MRO: variants seen among roughly 807,000 people sequenced by gnomAD.
The protein encoded by MRO is protein maestro.
In MRO, 28 loss-of-function variants were observed where a neutral mutation model predicts 31.0. The observed-to-expected ratio is 0.90, with a 90% CI of 0.67 to 1.24. The LOEUF (loss-of-function observed/expected upper bound fraction) is 1.24, where lower values mean the gene tolerates loss of function less well. Ranked by LOEUF, MRO falls within the 50% of genes most tolerant of loss-of-function variation. The probability of loss-of-function intolerance (pLI) is 0.00; values close to 1 mark genes in which losing one functional copy is unlikely to be tolerated. For synonymous variants in MRO, 108 were observed against 108.4 expected (o/e 1.00, Z 0.02); for missense variants, 332 against 289.2 (o/e 1.15, Z -1.07).
intron 2 of MRO, chr18:50,815,311 TG>T: frequency 3.7e-6 from 1 of 269,258 alleles, no homozygotes; most frequent in South Asian, 4.9e-5. Context: ...ACTTTGGAGG[TG>T]GTGGAGATAA....
intron 3 of MRO, among the ~76,000 whole-genome samples, chr18:50,808,008 A>T (rs1424826176): frequency 1.3e-5 from 2 of 152,190 alleles, no homozygotes; most frequent in Non-Finnish European, 2.9e-5. Context: ...AATTGCTTGA[A>T]TCTGGGAGGC....
chr18:50,800,265 C>G, intron 6 of MRO, 122 bp from the exon 7 acceptor site: 1 of 643,460 alleles, frequency 1.6e-6, no homozygotes, highest in Non-Finnish European at 2.6e-6. Context: ...GTGAAAGTAA[C>G]TTCCAGGTAG....
At chr18:50,803,961 G>A (rs1024773697) in intron 5 of MRO, among the ~76,000 whole-genome samples, 4 of 152,202 alleles carry the variant, frequency 2.6e-5, no homozygotes, top group East Asian at 1.9e-4. Context: ...TCTCAGTTTC[G>A]GGCTGAACGA....
At chr18:50,818,198 C>T (rs865937458) in intron 2 of MRO, among the ~76,000 whole-genome samples, 8 of 152,190 alleles carry the variant, frequency 5.3e-5, no homozygotes, top group African/African-American at 1.2e-4. Context: ...AACTCCTTCT[C>T]CAAGCCCTCT....
rs1446787504 is a variant in MRO at position 50,806,767 on chromosome 18, A to C, written c.183T>G (p.Ser61Arg). 3 of 1,614,008 alleles carry C rather than the reference A, an allele frequency of 1.9e-6. No homozygotes were observed. In the Admixed American group the frequency reaches 5.0e-5, roughly 27 times the overall value. ...FILAERARDP[S>R]AKKRHMAMRN... ...TCATTGCCATGTGACGCTTTTTAGC[A>C]CTGGGGTCCCGAGCTCTTTCTGCCA... The change falls in exon 4 of 8, where the codon AGT becomes AGG. Residue 61 changes from serine (S) to arginine (R), a missense_variant. Transcript: ENST00000398439.
chr18:50,805,933 G>C (rs1251190291), intron 4 of MRO, among the ~76,000 whole-genome samples: 1 of 151,768 alleles, frequency 6.6e-6, no homozygotes, highest in Non-Finnish European at 1.5e-5. Context: ...CCAGCCTACG[G>C]ACATGACTTT....
chr18:50,820,158 A>G (rs1429841180), upstream of MRO: 5 of 606,602 alleles, frequency 8.2e-6, no homozygotes, highest in Admixed American at 2.9e-5. Context: ...CCTTCCTTAC[A>G]TAATCCTGTT....
In MRO at chr18:50,805,169, C is replaced by T. The variant is rs1249897689; in HGVS notation, c.414G>A (p.Arg138=). The T allele has an allele frequency of 9.9e-6, 16 of 1,612,186 alleles. No homozygotes were observed. Among genetic ancestry groups the T allele is most frequent in the African/African-American group, 8.0e-5 (6 of 74,860 alleles). The part of the protein sequence containing the change: ...SFFIDITLQT[R]TLLDDENDSL... ...ATTTACTTACGTCATCTAATAAAGTCCTGGTCTGAAGGGTGATATCTATGA... is the reference window on the plus strand; with the variant it reads ...ATTTACTTACGTCATCTAATAAAGTTCTGGTCTGAAGGGTGATATCTATGA... The change falls in exon 5 of 8, where the codon AGG becomes AGA. Residue 138 remains arginine (R), a synonymous_variant. Transcript: ENST00000398439.
chr18:50,821,179 G>A (rs1915287731), upstream of MRO, among the ~76,000 whole-genome samples: 1 of 152,186 alleles, frequency 6.6e-6, no homozygotes, highest in African/African-American at 2.4e-5. Flanking sequence ...ATAAAGCCTG[G>A]CCTTGTTTGA....
chr18:50,819,823 T>C, intron 1 of MRO, 74 bp downstream of exon 1: 7 of 1,538,510 alleles, frequency 4.5e-6, no homozygotes, highest in Non-Finnish European at 6.2e-6. Flanking sequence ...ATAGAGTATT[T>C]GGGCAGGGGA....
At chr18:50,819,786 TC>T in intron 1 of MRO, 84 bp from the exon 2 acceptor site, 1 of 1,544,958 alleles carries the variant, frequency 6.5e-7, no homozygotes. Context: ...AAAGTGAGAA[TC>T]AAATAAGAGG....
intron 6 of MRO, 26 bp from the exon 7 acceptor site, chr18:50,800,169 A>T: frequency 6.7e-7 from 1 of 1,491,210 alleles, no homozygotes; most frequent in Non-Finnish European, 9.3e-7. Context: ...TTACTATTTT[A>T]TTTATTAGAG....
At chr18:50,802,520 T>C (rs1913441945) in intron 5 of MRO, among the ~76,000 whole-genome samples, 1 of 152,016 alleles carries the variant, frequency 6.6e-6, no homozygotes, top group African/African-American at 2.4e-5. Context: ...TATATCAGTG[T>C]TTTGTAGTCT....
At chr18:50,819,348 A>G (rs1235940470) in intron 2 of MRO, 1 of 792,790 alleles carries the variant, frequency 1.3e-6, no homozygotes, top group African/African-American at 1.9e-5. Flanking sequence ...AGAATGATCT[A>G]TAACCCAACT....
Position 50,809,144 on chromosome 18 carries a change from C to CAAA in MRO, c.99+155_99+157dup, listed in dbSNP as rs61728184. Among the ~76,000 whole-genome samples, 17 of 99,092 alleles carry CAAA rather than the reference C, an allele frequency of 1.7e-4. 3 individuals carry two copies. The highest frequency in any genetic ancestry group is 6.4e-4 in the East Asian group (2 of 3,118). The allele number at this position is 99,092 out of a possible 152,430, so 65.0% of individuals were successfully genotyped here. ...TGGGCGACAGAGCGAGACTCCGTCT[C>CAAA]AAAAAAAAAAAAAAAAAAAAAAAAA... On this transcript the variant is annotated intron_variant, in intron 3 of 7. Transcript: ENST00000398439.
In MRO at chr18:50,795,187, T is replaced by C. The variant is rs1487218622; in HGVS notation, c.*4150A>G. On this transcript the variant is annotated 3_prime_UTR_variant, in exon 8 of 8. Coordinates refer to ENST00000398439, the MANE Select transcript of MRO (RefSeq NM_031939.6). The stretch of plus-strand genomic sequence containing the variant: ...TTATATTATCAACAGGTTATTGTCA[T>C]CAACAGATTAAAACAAAATGTCTCA... The C allele has an allele frequency of 6.6e-6, 1 of 152,216 alleles. No homozygotes were observed. Among genetic ancestry groups the C allele is most frequent in the African/African-American group, 2.4e-5 (1 of 41,458 alleles). The allele number at this position is 152,216 out of a possible 1,614,324, so 9.4% of individuals were successfully genotyped here.
chr18:50,799,958 G>A (rs1228710147), intron 7 of MRO, 78 bp downstream of exon 7: 1 of 983,058 alleles, frequency 1.0e-6, no homozygotes, highest in African/African-American at 1.6e-5. Flanking sequence ...ACTCTTTCTT[G>A]TGCTTGGCCA....
Position 50,808,570 on chromosome 18 carries a change from C to T in MRO, c.99+732G>A, listed in dbSNP as rs111294420. ...ACTTCCTGGGCTCAAGCGATCCTCC[C>T]ACCTCAGCCCTGAGTAGCTGGGACT... On this transcript the variant is annotated intron_variant, in intron 3 of 7. Transcript: ENST00000398439. Among the ~76,000 whole-genome samples, 1,126 of 151,704 alleles carry T rather than the reference C, an allele frequency of 7.4e-3. 13 individuals are homozygous for T. The highest frequency in any genetic ancestry group is 0.025 in the African/African-American group (1,030 of 41,402).
chr18:50,825,241 T>C (rs929783778), intron 1 of MRO: 2 of 152,226 alleles, frequency 1.3e-5, no homozygotes, highest in African/African-American at 4.8e-5. Flanking sequence ...TAGCAGTCTA[T>C]CAACTGTGTT....
Sources: allele counts gnomAD v4.1 joint callset (sites outside exome capture counted in the v4.1 genomes callset), GRCh38; gene constraint gnomAD v4.1.1; transcripts MANE v1.5; gene names NCBI Gene and HGNC (gene_info 2026-07-23, HGNC 2026-07-21).